Variants in SUPV3L1 observed in about 807,000 individuals in gnomAD.
The protein encoded by SUPV3L1 is ATP-dependent RNA helicase SUPV3L1, mitochondrial.
SUPV3L1 carries 35 observed loss-of-function variants against 70.0 expected under a neutral mutation model. The observed-to-expected ratio is 0.50, with a 90% CI of 0.38 to 0.66. SUPV3L1 has a LOEUF of 0.66. Ranked by LOEUF, SUPV3L1 falls within the 30% of genes least tolerant of loss-of-function variation. The probability of loss-of-function intolerance (pLI) is 0.00; values close to 1 mark genes in which losing one functional copy is unlikely to be tolerated. For missense variants in SUPV3L1, 777 were observed against 961.5 expected, an observed-to-expected ratio of 0.81 and a Z score of 2.54; for synonymous variants, 364 against 341.9, an observed-to-expected ratio of 1.06 and a Z score of -0.71.
In SUPV3L1 at chr10:69,208,731, T is replaced by C; in HGVS notation, c.2057T>C (p.Leu686Ser). ...LIKMSETHKL[L>S]NLEGFPSGSQ... ...AAAATGTCTGAGACGCATAAGCTGT[T>C]GAATTTGGAGGGCTTTCCATCAGGG... The change falls in exon 15 of 15, where the codon TTG becomes TCG. Residue 686 changes from leucine (L) to serine (S), a missense_variant. Physicochemically the swap from Leu to Ser is moderately radical, Grantham distance 145. This residue lies in a region of SUPV3L1 where 619 missense variants were observed against 823.3 expected (regional missense o/e 0.75). Coordinates refer to ENST00000359655, the MANE Select transcript of SUPV3L1 (RefSeq NM_003171.5). 1.2e-6 allele frequency: 2 copies of C among 1,614,168 alleles called. No individual in the cohort carries two copies. Among genetic ancestry groups the C allele is most frequent in the East Asian group, 4.5e-5 (2 of 44,884 alleles).
intron 14 of SUPV3L1, among the ~76,000 whole-genome samples, chr10:69,208,332 G>A (rs1013285173): frequency 1.3e-5 from 2 of 152,228 alleles, no homozygotes; most frequent in African/African-American, 4.8e-5. Context: ...GAGAAGTCCT[G>A]TTCTAGGCCA....
chr10:69,207,675 C>T (rs966581316), intron 13 of SUPV3L1, 118 bp from the exon 14 acceptor site: 4 of 1,222,536 alleles, frequency 3.3e-6, no homozygotes, highest in Non-Finnish European at 3.4e-6. Context: ...AAGAAACCAC[C>T]TGTCTATTGA....
chr10:69,184,487 A>G (rs777902821), intron 1 of SUPV3L1, among the ~76,000 whole-genome samples: 6 of 152,198 alleles, frequency 3.9e-5, no homozygotes, highest in Non-Finnish European at 7.3e-5. Context: ...GTGAGCTGAG[A>G]TCGCGCCATT....
chr10:69,193,023 AG>A (rs1344726757), intron 6 of SUPV3L1: 4 of 152,332 alleles, frequency 2.6e-5, no homozygotes, highest in Admixed American at 2.0e-4. Flanking sequence ...TTAACATTTA[AG>A]TGAAAATTAA....
At chr10:69,184,718 C>T (rs769504785) in intron 1 of SUPV3L1, among the ~76,000 whole-genome samples, 3 of 151,770 alleles carry the variant, frequency 2.0e-5, no homozygotes, top group African/African-American at 7.3e-5. Flanking sequence ...TTTCCTCATT[C>T]TGTCAAACAG....
At chr10:69,206,111 GTTGT>G (rs1192598820) in intron 13 of SUPV3L1, among the ~76,000 whole-genome samples, 1 of 152,054 alleles carries the variant, frequency 6.6e-6, no homozygotes, top group Non-Finnish European at 1.5e-5. Context: ...GCTTCCACTA[GTTGT>G]TTGTGGCCAA....
intron 6 of SUPV3L1, chr10:69,193,159 T>C (rs1452331488): frequency 1.3e-5 from 2 of 152,232 alleles, no homozygotes; most frequent in Admixed American, 6.5e-5. Flanking sequence ...CAATAGGTGT[T>C]AATTAACCCT....
At chr10:69,188,120 A>G (rs1188236530) in intron 4 of SUPV3L1, among the ~76,000 whole-genome samples, 3 of 152,010 alleles carry the variant, frequency 2.0e-5, no homozygotes, top group Non-Finnish European at 4.4e-5. Context: ...CGTCTTTGAG[A>G]CTTTCCACTG....
chr10:69,191,745 A>G lies in SUPV3L1; in HGVS notation c.832A>G (p.Met278Val), dbSNP rs1046097806. 1.9e-6 allele frequency: 3 copies of G among 1,612,996 alleles called. No individual in the cohort carries two copies. The Admixed American group carries it at 5.0e-5, about 27-fold the overall frequency. ...QASHVSCTVE[M>V]CSVTTPYEVA... The stretch of plus-strand genomic sequence containing the variant: ...TTCACATGTTTCTTGTACAGTTGAG[A>G]TGTGCAGTGTTACAACTCCTTGTAT... Residue 278 changes from methionine to valine, a missense_variant, in exon 6 of 15, where the codon ATG (methionine) becomes GTG (valine). Physicochemically the swap from Met to Val is conservative, Grantham distance 21. Around this residue, in one of 2 missense-constraint regions of SUPV3L1, gnomAD observed 619 missense variants for 823.3 expected, o/e 0.75. Transcript: ENST00000359655.
intron 8 of SUPV3L1, among the ~76,000 whole-genome samples, chr10:69,197,570 T>C (rs1842573584): frequency 6.6e-6 from 1 of 152,060 alleles, no homozygotes; most frequent in Admixed American, 6.6e-5. Flanking sequence ...TGAATTATTA[T>C]TATTATTATT....
At chr10:69,204,654 A>G (rs1842775802) in intron 13 of SUPV3L1, among the ~76,000 whole-genome samples, 1 of 152,262 alleles carries the variant, frequency 6.6e-6, no homozygotes, top group Non-Finnish European at 1.5e-5. Flanking sequence ...GTCCTCTGAA[A>G]TAACTACTTG....
In SUPV3L1 at chr10:69,200,448, A is replaced by G; in HGVS notation, c.1467A>G (p.Glu489=). ...GAGAGGTTACAACAATGAATCATGAAGATCTCAGTTTATTAAAGGAAATTT... is the reference window on the plus strand; with the variant it reads ...GAGAGGTTACAACAATGAATCATGAGGATCTCAGTTTATTAAAGGAAATTT... ...KEGEVTTMNH[E]DLSLLKEILK... is the part of the protein sequence containing the mutation. The change falls in exon 11 of 15, where the codon GAA becomes GAG. Residue 489 remains glutamate (E), a synonymous_variant. Transcript: ENST00000359655. The G allele has an allele frequency of 1.2e-6, 2 of 1,614,126 alleles. No homozygotes were observed. The highest frequency in any genetic ancestry group is 1.7e-6 in the Non-Finnish European group (2 of 1,180,028).
chr10:69,193,550 G>T (rs1231384603), intron 6 of SUPV3L1, among the ~76,000 whole-genome samples: 1 of 151,526 alleles, frequency 6.6e-6, no homozygotes, highest in Non-Finnish European at 1.5e-5. Flanking sequence ...GACCTCCTGG[G>T]CTCAAACAAT....
chr10:69,186,349 A>G, intron 2 of SUPV3L1, 94 bp from the exon 3 acceptor site: 2 of 955,232 alleles, frequency 2.1e-6, no homozygotes, highest in Non-Finnish European at 1.6e-6. Context: ...AAAAAAGAAA[A>G]AAAAAGACTC....
intron 13 of SUPV3L1, among the ~76,000 whole-genome samples, chr10:69,205,867 A>G (rs1842813361): frequency 6.6e-6 from 1 of 152,164 alleles, no homozygotes; most frequent in Non-Finnish European, 1.5e-5. Context: ...AAATTAGAAT[A>G]TGAAATCTAG....
intron 7 of SUPV3L1, 41 bp from the exon 8 acceptor site, chr10:69,196,951 A>T (rs1842557654): frequency 6.5e-7 from 1 of 1,541,600 alleles, no homozygotes; most frequent in Non-Finnish European, 9.0e-7. Context: ...ATATTTAATT[A>T]TAAATCTTTA....
Position 69,207,782 on chromosome 10 carries a change from TTC to T in SUPV3L1, c.1777-4_1777-3del, listed in dbSNP as rs1564715775. On this transcript the variant is annotated splice_polypyrimidine_tract_variant and intron_variant, in intron 13 of 14. Transcript: ENST00000359655. ...CACTTCTCTGAAACCCTTTTCCTCT[TTC>T]TCTCTCAGTTTGCCAGGCAGTATAG... The T allele has an allele frequency of 9.3e-6, 15 of 1,609,044 alleles. No homozygotes were observed. Among genetic ancestry groups the T allele is most frequent in the Admixed American group, 1.7e-5 (1 of 58,694 alleles).
chr10:69,199,583 C>G (rs552283342), intron 10 of SUPV3L1, among the ~76,000 whole-genome samples: 1 of 152,064 alleles, frequency 6.6e-6, no homozygotes, highest in African/African-American at 2.4e-5. Context: ...AGGTCTTACC[C>G]TGTTGCCCAA....
At chr10:69,199,517 G>A (rs1471424791) in intron 10 of SUPV3L1, among the ~76,000 whole-genome samples, 1 of 152,084 alleles carries the variant, frequency 6.6e-6, no homozygotes, top group Non-Finnish European at 1.5e-5. Context: ...GAGTAGCTGG[G>A]ACCACAGGTG....
Sources: allele counts gnomAD v4.1 joint callset (sites outside exome capture counted in the v4.1 genomes callset), GRCh38; gene constraint gnomAD v4.1.1; regional missense constraint gnomAD v4.1.1; transcripts MANE v1.5; gene names NCBI Gene and HGNC (gene_info 2026-07-23, HGNC 2026-07-21).